The following PRDM6 variants were observed in gnomAD, a reference collection of about 807,000 sequenced individuals.
PRDM6 encodes the protein putative histone-lysine N-methyltransferase PRDM6.
PRDM6 carries 25 observed loss-of-function variants against 60.8 expected under a neutral mutation model. That is an observed-to-expected ratio of 0.41 (90% CI 0.30 to 0.57). The LOEUF (loss-of-function observed/expected upper bound fraction) is 0.57. PRDM6 is among the 20% of genes least tolerant of loss of function. The pLI is 0.27. For missense variants in PRDM6, 839 were observed against 821.3 expected, an observed-to-expected ratio of 1.02 and a Z score of -0.26; for synonymous variants, 407 against 357.4, an observed-to-expected ratio of 1.14 and a Z score of -1.57.
chr5:123,143,153 G>A (rs73800144), intron 3 of PRDM6, among the ~76,000 whole-genome samples: 18 of 95,332 alleles, frequency 1.9e-4, no homozygotes, highest in African/African-American at 4.3e-4. Context: ...TTTAAAGTGT[G>A]TGTGTGTGTG....
intron 7 of PRDM6, among the ~76,000 whole-genome samples, chr5:123,182,370 G>A (rs1406506333): frequency 6.6e-6 from 1 of 152,232 alleles, no homozygotes; most frequent in Non-Finnish European, 1.5e-5. Context: ...GGAGGGTTCA[G>A]GATCCTTCTG....
intron 3 of PRDM6, among the ~76,000 whole-genome samples, chr5:123,115,727 A>G (rs1403356434): frequency 6.6e-6 from 1 of 152,220 alleles, no homozygotes; most frequent in Non-Finnish European, 1.5e-5. Flanking sequence ...ATCTTTGTGA[A>G]CATAATTTCT....
chr5:123,097,957 G>A (rs995386229), intron 2 of PRDM6, among the ~76,000 whole-genome samples: 1 of 152,224 alleles, frequency 6.6e-6, no homozygotes, highest in African/African-American at 2.4e-5. Context: ...TGCTGACTGA[G>A]GCAAAGGTTT....
intron 5 of PRDM6, among the ~76,000 whole-genome samples, chr5:123,160,577 C>T (rs115377237): frequency 0.013 from 1,904 of 144,854 alleles, 46 homozygotes; most frequent in African/African-American, 0.048. Context: ...CACTTTCTAA[C>T]ACATGCACTC....
chr5:123,117,393 G>A (rs568132445), intron 3 of PRDM6, among the ~76,000 whole-genome samples: 2 of 152,264 alleles, frequency 1.3e-5, no homozygotes, highest in South Asian at 4.1e-4. Context: ...GTCATTTGAG[G>A]TACCTTTGGT....
intron 3 of PRDM6, among the ~76,000 whole-genome samples, chr5:123,129,816 A>G (rs1764780661): frequency 6.6e-6 from 1 of 152,198 alleles, no homozygotes; most frequent in African/African-American, 2.4e-5. Context: ...AAATATCTGG[A>G]GTATTAAGAT....
intron 3 of PRDM6, among the ~76,000 whole-genome samples, chr5:123,113,146 A>G (rs73294789): frequency 0.019 from 2,855 of 152,200 alleles, 82 homozygotes; most frequent in African/African-American, 0.065. Context: ...GGTGTGGTAC[A>G]TTTGTTACAA....
At chr5:123,113,089 A>C (rs1361035233) in intron 3 of PRDM6, among the ~76,000 whole-genome samples, 1 of 152,126 alleles carries the variant, frequency 6.6e-6, no homozygotes, top group Non-Finnish European at 1.5e-5. Context: ...GAAAGTTCTC[A>C]TATCCCTTCC....
Position 123,137,828 on chromosome 5 carries a change from G to A in PRDM6, c.901-18056G>A, listed in dbSNP as rs918374339. ...ATAATTTTAGGTGATACACAGAAAAGTGTTCTTAATATACCTGGCACATCA... is the reference window on the plus strand; with the variant it reads ...ATAATTTTAGGTGATACACAGAAAAATGTTCTTAATATACCTGGCACATCA... On this transcript the variant is annotated intron_variant, in intron 3 of 7. Transcript: ENST00000407847. Among the ~76,000 whole-genome samples, 11 of 152,180 alleles carry A rather than the reference G, an allele frequency of 7.2e-5. No individual in the cohort carries two copies. The South Asian group carries it at 2.1e-3, about 29-fold the overall frequency.
Position 123,090,172 on chromosome 5 carries a change from C to A in PRDM6, c.158C>A (p.Pro53Gln). The A allele has an allele frequency of 6.7e-7, 1 of 1,490,288 alleles. No homozygotes were observed. The highest frequency in any genetic ancestry group is 8.9e-7 in the Non-Finnish European group (1 of 1,123,042). 92.3% of individuals were successfully genotyped at this position (1,490,288 alleles called of 1,614,324 possible). The stretch of plus-strand genomic sequence containing the variant: ...AGCGCGCCGCAGCCTCTTCAGCCGC[C>A]GCCGCCGCCCCCGCCCCCGGAGCGC... Reference protein sequence around the residue: ...LLSAPQPLQPPPPPPPPERAE... With the variant: ...LLSAPQPLQPQPPPPPPERAE... The change falls in exon 2 of 8, where the codon CCG (proline) becomes CAG (glutamine). Residue 53 changes from proline (P) to glutamine (Q), a missense_variant. Pro to Gln is a moderately conservative substitution (Grantham distance 76). Coordinates refer to ENST00000407847, the MANE Select transcript of PRDM6 (RefSeq NM_001136239.4).
At chr5:123,186,051 G>T (rs1580547385) in intron 7 of PRDM6, among the ~76,000 whole-genome samples, 1 of 152,242 alleles carries the variant, frequency 6.6e-6, no homozygotes, top group African/African-American at 2.4e-5. Context: ...GGGTGGCTGA[G>T]GTGGCCTCTG....
At chr5:123,171,229 G>A (rs1765884253) in intron 6 of PRDM6, 121 bp downstream of exon 6, 4 of 786,548 alleles carry the variant, frequency 5.1e-6, no homozygotes. Flanking sequence ...CTGCATTCTG[G>A]AAGGTCAGAG....
intron 5 of PRDM6, among the ~76,000 whole-genome samples, chr5:123,160,618 A>G (rs1002060563): frequency 2.0e-5 from 3 of 152,232 alleles, no homozygotes; most frequent in Admixed American, 6.5e-5. Flanking sequence ...AAACGCTCAT[A>G]TTATGACTGA....
At position 123,161,604 on chromosome 5, in the gene PRDM6, C is replaced by T. The variant is rs529383840; in HGVS notation, c.1153+1966C>T. Reference sequence around the variant, plus strand: ...TCCTGGCAGCCAGACAGTTATAAGTCCCAAGATGGGAATGTTCCTGGCATG... The same window carrying T: ...TCCTGGCAGCCAGACAGTTATAAGTTCCAAGATGGGAATGTTCCTGGCATG... On this transcript the variant is annotated intron_variant, in intron 5 of 7. Coordinates refer to ENST00000407847, the MANE Select transcript of PRDM6 (RefSeq NM_001136239.4). 5.9e-5 allele frequency among the ~76,000 whole-genome samples: 9 copies of T among 152,220 alleles called. No individual in the cohort carries two copies. In the East Asian group the frequency reaches 1.4e-3, roughly 23 times the overall value.
intron 3 of PRDM6, among the ~76,000 whole-genome samples, chr5:123,111,657 C>T (rs565563895): frequency 3.6e-4 from 55 of 151,538 alleles, no homozygotes; most frequent in African/African-American, 1.1e-3. Flanking sequence ...AAGATTGCAC[C>T]GCTGCGTTCC....
chr5:123,187,295 C>T lies in PRDM6; in HGVS notation c.*94C>T, dbSNP rs897603194. The T allele has an allele frequency of 2.2e-6, 2 of 912,212 alleles. No individual in the cohort carries two copies. The highest frequency in any genetic ancestry group is 1.7e-6 in the Non-Finnish European group (1 of 578,520). The allele number at this position is 912,212 out of a possible 1,614,324, so 56.5% of individuals were successfully genotyped here. On this transcript the variant is annotated 3_prime_UTR_variant, in exon 8 of 8. Transcript: ENST00000407847. ...CCAAAGATTTCCTCTGAGCAACTTT[C>T]AATCAGTCCCAGAAAACCAAAAGCA...
intron 5 of PRDM6, among the ~76,000 whole-genome samples, chr5:123,161,702 G>A (rs1765635562): frequency 6.6e-6 from 1 of 152,234 alleles, no homozygotes; most frequent in South Asian, 2.1e-4. Flanking sequence ...ACTTAGATGT[G>A]GGTGCGTGCT....
At chr5:123,104,858 A>G (rs1764171141) in intron 3 of PRDM6, among the ~76,000 whole-genome samples, 1 of 152,216 alleles carries the variant, frequency 6.6e-6, no homozygotes, top group South Asian at 2.1e-4. Flanking sequence ...CATTGTGTTA[A>G]AAGTCAAAAC....
At chr5:123,182,126 A>G (rs1052922754) in intron 7 of PRDM6, among the ~76,000 whole-genome samples, 1 of 152,228 alleles carries the variant, frequency 6.6e-6, no homozygotes, top group African/African-American at 2.4e-5. Context: ...GCAATAGCCC[A>G]AAGAGGGCAT....
Sources: gnomAD v4.1 joint callset for allele counts (sites outside exome capture counted in the v4.1 genomes callset) on GRCh38, gnomAD v4.1.1 for gene constraint, MANE v1.5 for transcripts, NCBI Gene and HGNC (gene_info 2026-07-23, HGNC 2026-07-21) for gene names.